NMRK1: variants seen among roughly 807,000 people sequenced by gnomAD.
NMRK1 encodes the protein nicotinamide riboside kinase 1.
In NMRK1, 28 loss-of-function variants were observed where a neutral mutation model predicts 29.9. That is an observed-to-expected ratio of 0.94 (90% CI 0.69 to 1.28). The LOEUF (loss-of-function observed/expected upper bound fraction) is 1.28, where lower values mean the gene tolerates loss of function less well. Ranked by LOEUF, NMRK1 falls within the 50% of genes most tolerant of loss-of-function variation. The pLI is 0.00. For synonymous variants in NMRK1, 58 were observed against 73.0 expected, an observed-to-expected ratio of 0.79 and a Z score of 1.05; for missense variants, 218 against 233.1, an observed-to-expected ratio of 0.94 and a Z score of 0.42.
chr9:75,083,128 A>G lies in NMRK1; in HGVS notation c.-13T>C. ...TAAATGTTTTCATAATTAGCTTTGA[A>G]AATCACAGCTTCCTAATATTTCCTA... On this transcript the variant is annotated 5_prime_UTR_variant, in exon 2 of 9. Transcript: ENST00000361092. The G allele has an allele frequency of 6.4e-7, 1 of 1,572,670 alleles. No homozygotes were observed. The highest frequency in any genetic ancestry group is 1.1e-5 in the South Asian group (1 of 90,194).
At chr9:75,065,314 C>T (rs771760419) in intron 8 of NMRK1, among the ~76,000 whole-genome samples, 15 of 151,990 alleles carry the variant, frequency 9.9e-5, no homozygotes, top group South Asian at 2.1e-4. Flanking sequence ...GGACTGCAGG[C>T]GCGCACCACC....
chr9:75,073,027 A>C (rs1823787710), intron 4 of NMRK1, among the ~76,000 whole-genome samples: 1 of 152,312 alleles, frequency 6.6e-6, no homozygotes, highest in Admixed American at 6.5e-5. Flanking sequence ...CCTATGTTAA[A>C]GTCCTAATGC....
chr9:75,082,924 T>C, intron 2 of NMRK1, 163 bp downstream of exon 2: 1 of 609,122 alleles, frequency 1.6e-6, no homozygotes, highest in Non-Finnish European at 3.0e-6. Context: ...CATCTCTTGT[T>C]GGCATTTATG....
chr9:75,061,678 A>G (rs900794472), intron 8 of NMRK1, 111 bp from the exon 9 acceptor site: 16 of 864,922 alleles, frequency 1.8e-5, no homozygotes, highest in Non-Finnish European at 2.9e-5. Flanking sequence ...GGGATTCTGG[A>G]GCCAAAAATG....
rs184336766 is a variant in NMRK1 at position 75,084,092 on chromosome 9, C to T, written c.-35-942G>A. Among the ~76,000 whole-genome samples, 37 of 152,286 alleles carry T rather than the reference C, an allele frequency of 2.4e-4. No individual in the cohort carries two copies. The East Asian group carries it at 4.0e-3, about 17-fold the overall frequency. ...TTCATACATGCCTCCCTAACGTTCACTAAAGTAGTCCTTGGTTATTACAAT... is the reference window on the plus strand; with the variant it reads ...TTCATACATGCCTCCCTAACGTTCATTAAAGTAGTCCTTGGTTATTACAAT... On this transcript the variant is annotated intron_variant, in intron 1 of 8. Transcript: ENST00000361092.
chr9:75,069,887 A>G lies in NMRK1; in HGVS notation c.317+8T>C. The stretch of plus-strand genomic sequence containing the variant: ...ACTCAGAGACAATATTAGGGTGGAG[A>G]TGCTTACTTATAATTAAAAAGAAGA... On this transcript the variant is annotated splice_region_variant and intron_variant, in intron 5 of 8. Transcript: ENST00000361092. The G allele has an allele frequency of 6.2e-7, 1 of 1,613,042 alleles. No individual in the cohort carries two copies. Among genetic ancestry groups the G allele is most frequent in the Non-Finnish European group, 8.5e-7 (1 of 1,179,654 alleles).
chr9:75,078,324 A>G, intron 2 of NMRK1: 1 of 1,567,942 alleles, frequency 6.4e-7, no homozygotes, highest in Non-Finnish European at 8.7e-7. Flanking sequence ...AAGCCCACCT[A>G]CCATGAAATC....
chr9:75,083,039 T>C (rs374685865), intron 2 of NMRK1, 48 bp downstream of exon 2: 117 of 1,362,770 alleles, frequency 8.6e-5, no homozygotes, highest in Admixed American at 3.9e-4. Context: ...AAACACCATT[T>C]GGACATCCTC....
At chr9:75,072,923 C>T (rs1823779784) in intron 4 of NMRK1, among the ~76,000 whole-genome samples, 1 of 152,042 alleles carries the variant, frequency 6.6e-6, no homozygotes, top group Non-Finnish European at 1.5e-5. Flanking sequence ...AGTTTTTGGT[C>T]AAGTTAGTTA....
chr9:75,068,558 G>C (rs1405071323), intron 7 of NMRK1, among the ~76,000 whole-genome samples: 1 of 152,172 alleles, frequency 6.6e-6, no homozygotes, highest in South Asian at 2.1e-4. Context: ...TAAACTCATT[G>C]AAGTTTGGTT....
intron 2 of NMRK1, among the ~76,000 whole-genome samples, chr9:75,080,221 G>A (rs1824238069): frequency 6.6e-6 from 1 of 152,216 alleles, no homozygotes; most frequent in African/African-American, 2.4e-5. Flanking sequence ...GTTAAGTAAT[G>A]GAGATGGGAA....
intron 7 of NMRK1, among the ~76,000 whole-genome samples, chr9:75,068,345 A>G (rs562557632): frequency 6.6e-6 from 1 of 152,290 alleles, no homozygotes; most frequent in Non-Finnish European, 1.5e-5. Context: ...GTCCTTACCT[A>G]GATTATTGGC....
At chr9:75,064,389 G>A (rs547945941) in intron 8 of NMRK1, among the ~76,000 whole-genome samples, 12 of 152,292 alleles carry the variant, frequency 7.9e-5, no homozygotes, top group Admixed American at 2.0e-4. Flanking sequence ...AACTCTCAGA[G>A]AAGTGGCTCT....
chr9:75,084,641 T>C (rs1824513511), intron 1 of NMRK1, among the ~76,000 whole-genome samples: 1 of 152,096 alleles, frequency 6.6e-6, no homozygotes, highest in African/African-American at 2.4e-5. Flanking sequence ...ATACAAAAGA[T>C]TATCCAGGCA....
intron 2 of NMRK1, chr9:75,078,562 G>A (rs370457478): frequency 2.3e-6 from 3 of 1,277,442 alleles, no homozygotes; most frequent in African/African-American, 3.0e-5. Context: ...TTGAAAGCGT[G>A]TTTTAACCTG....
intron 3 of NMRK1, 53 bp downstream of exon 3, chr9:75,077,437 G>C: frequency 8.0e-7 from 1 of 1,244,456 alleles, no homozygotes; most frequent in South Asian, 1.3e-5. Flanking sequence ...CAATTAACGT[G>C]GTGGTTAAAC....
chr9:75,077,662 G>A, intron 2 of NMRK1, 82 bp from the exon 3 acceptor site: 2 of 933,378 alleles, frequency 2.1e-6, no homozygotes, highest in Admixed American at 3.8e-5. Flanking sequence ...GAGAGACAGG[G>A]TCTCGCTGTG....
At chr9:75,064,233 T>C (rs563549387) in intron 8 of NMRK1, among the ~76,000 whole-genome samples, 3 of 152,316 alleles carry the variant, frequency 2.0e-5, no homozygotes, top group African/African-American at 7.2e-5. Context: ...AGGTAGATCA[T>C]AAGGCCAAAC....
At chr9:75,087,385 C>G (rs11144222) in intron 1 of NMRK1, among the ~76,000 whole-genome samples, 40,087 of 151,792 alleles carry the variant, frequency 0.26, 6,115 homozygotes, top group East Asian at 0.43. Flanking sequence ...TCCGATAGAT[C>G]AGGGGTAGGA....
Sources: gnomAD v4.1 joint callset for allele counts (sites outside exome capture counted in the v4.1 genomes callset) on GRCh38, gnomAD v4.1.1 for gene constraint, MANE v1.5 for transcripts, NCBI Gene and HGNC (gene_info 2026-07-23, HGNC 2026-07-21) for gene names.